The following TRMT9B variants were observed in gnomAD, a reference collection of about 807,000 sequenced individuals.
TRMT9B encodes the protein tRNA methyltransferase 9B (putative), also known as probable tRNA methyltransferase 9B.
Under a neutral mutation model 11.5 loss-of-function variants are expected in TRMT9B, and 16 were observed. The ratio of observed to expected loss-of-function variants is 1.39; its 90% CI spans 0.94 to 2.11. The LOEUF (loss-of-function observed/expected upper bound fraction) is 2.11. Among genes scored for constraint, TRMT9B ranks in the 30% most tolerant of loss-of-function variants. The pLI is 0.00. For synonymous variants in TRMT9B, 274 were observed against 192.4 expected, an observed-to-expected ratio of 1.42 and a Z score of -3.51; for missense variants, 941 against 553.8, an observed-to-expected ratio of 1.70 and a Z score of -7.02.
Position 13,006,295 on chromosome 8 carries a change from C to T in TRMT9B, c.93C>T (p.Ala31=), listed in dbSNP as rs1169310002. 1.9e-6 allele frequency: 3 copies of T among 1,613,938 alleles called. No homozygotes were observed. In the South Asian group the frequency reaches 3.3e-5, roughly 18 times the overall value. Residue 31 remains alanine (A), a synonymous_variant, in exon 3 of 5, where the codon GCC becomes GCT. Transcript: ENST00000524591. ...APYFSDLQSK[A]WPRVRQFLQE... is the part of the protein sequence containing the mutation. ...ACTTCAGCGACCTGCAGAGCAAAGCCTGGCCTCGTGTCCGCCAGTTCCTGC... is the reference window on the plus strand; with the variant it reads ...ACTTCAGCGACCTGCAGAGCAAAGCTTGGCCTCGTGTCCGCCAGTTCCTGC...
Position 13,026,409 on chromosome 8 carries a change from A to T in TRMT9B, c.*4365A>T, listed in dbSNP as rs1049583111. The T allele has an allele frequency of 8.1e-6, 1 of 123,244 alleles. No individual in the cohort carries two copies. Among genetic ancestry groups the T allele is most frequent in the Non-Finnish European group, 1.7e-5 (1 of 59,518 alleles). The allele number at this position is 123,244 out of a possible 1,614,324, so 7.6% of individuals were successfully genotyped here. A position where few individuals can be genotyped will look rare whatever the true frequency, so the allele number is the denominator to read the frequency against. On this transcript the variant is annotated 3_prime_UTR_variant, in exon 5 of 5. Transcript: ENST00000524591. ...GCTGAGGGAGTTCCTCTTGCCCTCT[A>T]CCCCCGGGGCTTGTATATAGATTAT...
At chr8:13,012,171 A>G in intron 3 of TRMT9B, 1 of 984,576 alleles carries the variant, frequency 1.0e-6, no homozygotes, top group Non-Finnish European at 1.2e-6. Flanking sequence ...TTTTTTTCCT[A>G]TTGCCTTTCT....
At chr8:12,978,507 TGATAGATAGATGATA>T (rs142894517) in intron 1 of TRMT9B, among the ~76,000 whole-genome samples, 44,205 of 96,618 alleles carry the variant, frequency 0.46, 6,662 homozygotes, top group South Asian at 0.49. Context: ...GATAGACAGA[TGATAGATAGATGATA>T]GATAGATAGA....
chr8:13,007,920 C>G (rs1456663431), intron 3 of TRMT9B, among the ~76,000 whole-genome samples: 2 of 152,026 alleles, frequency 1.3e-5, no homozygotes, highest in Non-Finnish European at 2.9e-5. Context: ...GGCAAAATGC[C>G]TATATATGAT....
intron 1 of TRMT9B, among the ~76,000 whole-genome samples, chr8:12,966,154 C>A (rs189554146): frequency 2.6e-5 from 4 of 151,940 alleles, no homozygotes; most frequent in Admixed American, 2.6e-4. Flanking sequence ...AGTAAGACCC[C>A]CCCCATCTCT....
intron 2 of TRMT9B, among the ~76,000 whole-genome samples, chr8:12,998,576 C>CT (rs1398007122): frequency 6.6e-6 from 1 of 152,204 alleles, no homozygotes; most frequent in Non-Finnish European, 1.5e-5. Context: ...ACCCTGGCCT[C>CT]TGTGCTAACT....
intron 2 of TRMT9B, among the ~76,000 whole-genome samples, chr8:13,003,442 C>G (rs572220581): frequency 6.6e-6 from 1 of 152,192 alleles, no homozygotes; most frequent in Admixed American, 6.5e-5. Context: ...GGAAGTCTTC[C>G]TGGAGGAGAT....
At chr8:12,946,956 C>G (rs567770365) in intron 1 of TRMT9B, among the ~76,000 whole-genome samples, 27 of 152,194 alleles carry the variant, frequency 1.8e-4, no homozygotes, top group African/African-American at 6.5e-4. Context: ...CAGCTACACA[C>G]TTTCTAGCAG....
At chr8:12,947,563 C>T (rs1407380607) in intron 1 of TRMT9B, among the ~76,000 whole-genome samples, 1 of 152,210 alleles carries the variant, frequency 6.6e-6, no homozygotes, top group East Asian at 1.9e-4. Flanking sequence ...ACATAAGCAT[C>T]ATGCAGCACA....
At position 12,949,704 on chromosome 8, in the gene TRMT9B, A is replaced by G. The variant is rs548545779; in HGVS notation, c.-200+3738A>G. Among the ~76,000 whole-genome samples the G allele has an allele frequency of 3.9e-5, 6 of 152,316 alleles. No individual in the cohort carries two copies. The South Asian group carries it at 1.2e-3, about 32-fold the overall frequency. ...TTCAGAAAACAAATGCAAATATTTTACATTTGTTTATTATATAAGGGGGTT... is the reference window on the plus strand; with the variant it reads ...TTCAGAAAACAAATGCAAATATTTTGCATTTGTTTATTATATAAGGGGGTT... On this transcript the variant is annotated intron_variant, in intron 1 of 4. Coordinates refer to ENST00000524591, the MANE Select transcript of TRMT9B (RefSeq NM_020844.3).
chr8:12,970,576 C>G (rs1803464434), intron 1 of TRMT9B, among the ~76,000 whole-genome samples: 1 of 152,218 alleles, frequency 6.6e-6, no homozygotes, highest in Non-Finnish European at 1.5e-5. Flanking sequence ...GCCGGCTGTG[C>G]TGACCTTTTT....
chr8:13,026,798 A>G lies in TRMT9B; in HGVS notation c.*4754A>G, dbSNP rs1303965295. 1 of 166,690 alleles carries G rather than the reference A, an allele frequency of 6.0e-6. No individual in the cohort carries two copies. The highest frequency in any genetic ancestry group is 2.4e-5 in the African/African-American group (1 of 41,302). The allele number at this position is 166,690 out of a possible 1,614,324, so 10.3% of individuals were successfully genotyped here. ...CTTAACCACAACACCATATACTCCC[A>G]CCCCTGGGCCCAGCTCATGTGCTTG... is the stretch of plus-strand genomic sequence containing the variant. On this transcript the variant is annotated 3_prime_UTR_variant, in exon 5 of 5. Coordinates refer to ENST00000524591, the MANE Select transcript of TRMT9B (RefSeq NM_020844.3).
chr8:12,958,908 C>G (rs1336854932), intron 1 of TRMT9B: 2 of 152,066 alleles, frequency 1.3e-5, no homozygotes, highest in Non-Finnish European at 2.9e-5. Flanking sequence ...AACACTTGGA[C>G]ACAGGGCGGG....
intron 1 of TRMT9B, among the ~76,000 whole-genome samples, chr8:12,956,778 T>A (rs906028655): frequency 6.6e-6 from 1 of 152,242 alleles, no homozygotes; most frequent in African/African-American, 2.4e-5. Flanking sequence ...TATTGGAGAA[T>A]AACATAAGAG....
chr8:13,011,448 T>C (rs1334469787), intron 3 of TRMT9B: 3 of 985,256 alleles, frequency 3.0e-6, no homozygotes, highest in Non-Finnish European at 2.4e-6. Context: ...CTTTGAATAG[T>C]GGTAGATATC....
At chr8:12,992,419 C>T (rs777152893) in intron 2 of TRMT9B, among the ~76,000 whole-genome samples, 4 of 151,776 alleles carry the variant, frequency 2.6e-5, no homozygotes, top group Admixed American at 6.6e-5. Flanking sequence ...CTTTGGGAGG[C>T]CTGGGTAGAC....
chr8:13,004,670 A>G (rs1164423196), intron 2 of TRMT9B, among the ~76,000 whole-genome samples: 1 of 151,980 alleles, frequency 6.6e-6, no homozygotes, highest in East Asian at 2.0e-4. Context: ...GGTGATACCC[A>G]AGTAATACGC....
chr8:12,978,284 C>T (rs565609246), intron 1 of TRMT9B, among the ~76,000 whole-genome samples: 33 of 152,278 alleles, frequency 2.2e-4, no homozygotes, highest in African/African-American at 7.7e-4. Context: ...TTGGCATTAT[C>T]GATCAGCCCA....
intron 2 of TRMT9B, among the ~76,000 whole-genome samples, chr8:12,997,446 C>T (rs1042480057): frequency 6.6e-6 from 1 of 152,146 alleles, no homozygotes; most frequent in African/African-American, 2.4e-5. Context: ...CATGCTTGTA[C>T]AGCCTGTAGA....
Sources: allele counts gnomAD v4.1 joint callset (sites outside exome capture counted in the v4.1 genomes callset), GRCh38; gene constraint gnomAD v4.1.1; transcripts MANE v1.5; gene names NCBI Gene and HGNC (gene_info 2026-07-23, HGNC 2026-07-21).